CSMD1: variants seen among roughly 807,000 people sequenced by gnomAD.
The protein encoded by CSMD1 is CUB and sushi domain-containing protein 1.
In CSMD1, 213 loss-of-function variants were observed where a neutral mutation model predicts 417.5. The observed-to-expected ratio is 0.51, with a 90% CI of 0.46 to 0.57. The LOEUF (loss-of-function observed/expected upper bound fraction) is 0.57, where lower values mean the gene tolerates loss of function less well. Among genes scored for constraint, CSMD1 ranks in the 20% least tolerant of loss-of-function variants. The probability of loss-of-function intolerance (pLI) is 0.00; values close to 1 mark genes in which losing one functional copy is unlikely to be tolerated. For synonymous variants in CSMD1, 2,862 were observed against 1,736.8 expected (o/e 1.65, Z -16.11); for missense variants, 6,923 against 4,529.7 (o/e 1.53, Z -15.17).
At chr8:3,295,594 C>T (rs573152117) in intron 25 of CSMD1, among the ~76,000 whole-genome samples, 2 of 152,188 alleles carry the variant, frequency 1.3e-5, no homozygotes, top group African/African-American at 4.8e-5. Context: ...GTATATTCCA[C>T]TGTACTGATG....
rs73658135 is a variant in CSMD1 at position 3,504,284 on chromosome 8, C to G, written c.1345-10558G>C. Among the ~76,000 whole-genome samples the G allele has an allele frequency of 5.0e-3, 768 of 152,180 alleles. 9 individuals are homozygous for G. Among genetic ancestry groups the G allele is most frequent in the African/African-American group, 0.018 (743 of 41,522 alleles). On this transcript the variant is annotated intron_variant, in intron 10 of 69. Transcript: ENST00000635120. Reference sequence around the variant, plus strand: ...TTTTTTTTAAGTGAACAAGTACAATCACACTGACAAAAGAGAGAGTCTGGG... The same window carrying G: ...TTTTTTTTAAGTGAACAAGTACAATGACACTGACAAAAGAGAGAGTCTGGG...
chr8:3,459,410 A>G (rs1306042735), intron 12 of CSMD1, among the ~76,000 whole-genome samples: 1 of 152,182 alleles, frequency 6.6e-6, no homozygotes, highest in Non-Finnish European at 1.5e-5. Context: ...CTTGCAATGC[A>G]GCACCAGTGC....
chr8:3,855,281 T>C (rs957644151), intron 5 of CSMD1, among the ~76,000 whole-genome samples: 1 of 152,208 alleles, frequency 6.6e-6, no homozygotes, highest in African/African-American at 2.4e-5. Context: ...CAAAAATCTG[T>C]CTTTGCAATT....
At chr8:3,556,514 A>ACC (rs1799155034) in intron 10 of CSMD1, among the ~76,000 whole-genome samples, 4 of 80,230 alleles carry the variant, frequency 5.0e-5, no homozygotes, top group South Asian at 8.7e-4. Flanking sequence ...TCTTTTTCAC[A>ACC]CGCACACACA....
chr8:3,847,791 T>C (rs1269065849), intron 5 of CSMD1, among the ~76,000 whole-genome samples: 3 of 152,196 alleles, frequency 2.0e-5, no homozygotes, highest in East Asian at 1.9e-4. Context: ...TTAGGAAATA[T>C]AGTTGGGTGC....
chr8:2,950,413 T>G, intron 66 of CSMD1, 70 bp from the exon 67 acceptor site: 1 of 869,486 alleles, frequency 1.2e-6, no homozygotes, highest in Non-Finnish European at 2.0e-6. Flanking sequence ...ATCCATTTGA[T>G]GTGGAATGTG....
chr8:4,886,792 C>T (rs1803770366), intron 1 of CSMD1, among the ~76,000 whole-genome samples: 1 of 152,052 alleles, frequency 6.6e-6, no homozygotes, highest in African/African-American at 2.4e-5. Flanking sequence ...TAAATTTATT[C>T]TTAAAATATT....
At chr8:4,983,713 G>A (rs369809259) in intron 1 of CSMD1, among the ~76,000 whole-genome samples, 1 of 151,900 alleles carries the variant, frequency 6.6e-6, no homozygotes, top group East Asian at 1.9e-4. Context: ...ATTTTTGGTA[G>A]AGACGGGGAA....
chr8:3,229,068 G>A (rs1798677240), intron 27 of CSMD1, among the ~76,000 whole-genome samples: 1 of 152,110 alleles, frequency 6.6e-6, no homozygotes, highest in South Asian at 2.1e-4. Context: ...TAAGTGGTTT[G>A]TCATAAGTAG....
chr8:4,191,081 T>G (rs576134051), intron 3 of CSMD1, among the ~76,000 whole-genome samples: 4 of 143,826 alleles, frequency 2.8e-5, no homozygotes, highest in African/African-American at 1.2e-4. Context: ...ACACATGGAT[T>G]AAAATAAAAT....
intron 5 of CSMD1, among the ~76,000 whole-genome samples, chr8:3,877,497 G>A (rs4388473): frequency 1.3e-5 from 2 of 151,840 alleles, no homozygotes; most frequent in African/African-American, 4.8e-5. Context: ...GACGAGGGAG[G>A]AAATTTACTT....
chr8:3,448,874 A>G (rs1815503820), intron 12 of CSMD1, among the ~76,000 whole-genome samples: 1 of 152,240 alleles, frequency 6.6e-6, no homozygotes, highest in Non-Finnish European at 1.5e-5. Context: ...AAACTTACGC[A>G]GGCATAATTC....
At chr8:3,050,095 C>G (rs535936345) in intron 50 of CSMD1, among the ~76,000 whole-genome samples, 2 of 146,662 alleles carry the variant, frequency 1.4e-5, no homozygotes, top group South Asian at 2.2e-4. Context: ...TGCATAACAC[C>G]TAGAGAACTT....
chr8:4,368,489 G>A (rs1289013800), intron 3 of CSMD1, among the ~76,000 whole-genome samples: 1 of 152,248 alleles, frequency 6.6e-6, no homozygotes, highest in East Asian at 1.9e-4. Flanking sequence ...GTTTCATAAA[G>A]TGACTTAGAG....
chr8:4,157,820 C>A (rs368824228), intron 3 of CSMD1, among the ~76,000 whole-genome samples: 2 of 152,188 alleles, frequency 1.3e-5, no homozygotes, highest in South Asian at 4.1e-4. Context: ...CAGCTTTAGT[C>A]AGTCTCCTAT....
In CSMD1 at chr8:4,647,344, G is replaced by C. The variant is rs1417203650; in HGVS notation, c.86-9786C>G. Among the ~76,000 whole-genome samples, 4 of 151,456 alleles carry C rather than the reference G, an allele frequency of 2.6e-5. No individual in the cohort carries two copies. In the East Asian group the frequency reaches 7.8e-4, roughly 30 times the overall value. On this transcript the variant is annotated intron_variant, in intron 1 of 69. Coordinates refer to ENST00000635120, the MANE Select transcript of CSMD1 (RefSeq NM_033225.6). ...TGTGCCACGGCGGCCTGCTACGTAG[G>C]TACGCGTGTGCCACGGCGGCCTGCT...
chr8:3,624,926 C>T (rs1796421364), intron 7 of CSMD1, among the ~76,000 whole-genome samples: 1 of 152,274 alleles, frequency 6.6e-6, no homozygotes, highest in East Asian at 1.9e-4. Context: ...TGTCATGCCA[C>T]ACCCTTCTTC....
At chr8:4,026,404 G>T (rs534458186) in intron 4 of CSMD1, among the ~76,000 whole-genome samples, 2 of 152,322 alleles carry the variant, frequency 1.3e-5, no homozygotes, top group South Asian at 4.1e-4. Context: ...TACCACATGG[G>T]TGGCAGCATA....
At chr8:4,061,451 A>C (rs1004993744) in intron 3 of CSMD1, among the ~76,000 whole-genome samples, 1 of 152,244 alleles carries the variant, frequency 6.6e-6, no homozygotes, top group Non-Finnish European at 1.5e-5. Context: ...AGCTCCCTGA[A>C]AATGGATAAG....
Sources: gnomAD v4.1 joint callset for allele counts (sites outside exome capture counted in the v4.1 genomes callset) on GRCh38, gnomAD v4.1.1 for gene constraint, MANE v1.5 for transcripts, NCBI Gene and HGNC (gene_info 2026-07-23, HGNC 2026-07-21) for gene names.